Variants in GRID2 observed in about 807,000 individuals in gnomAD.
GRID2 encodes glutamate ionotropic receptor delta type subunit 2, also known as glutamate receptor ionotropic, delta-2.
GRID2 carries 33 observed loss-of-function variants against 114.8 expected under a neutral mutation model. The observed-to-expected ratio is 0.29, with a 90% confidence interval of 0.22 to 0.38. The LOEUF is 0.38. GRID2 is among the 10% of genes least tolerant of loss of function. The pLI is 1.00. For synonymous variants in GRID2, 505 were observed against 449.9 expected (o/e 1.12, Z -1.55); for missense variants, 1,184 against 1,257.7 (o/e 0.94, Z 0.89).
At chr4:92,451,014 T>G (rs1047534627) in intron 1 of GRID2, among the ~76,000 whole-genome samples, 9 of 151,938 alleles carry the variant, frequency 5.9e-5, no homozygotes, top group Non-Finnish European at 8.8e-5. Context: ...CATAAAGAAA[T>G]GTTATTTAAC....
At chr4:93,209,361 G>A (rs958709890) in intron 5 of GRID2, among the ~76,000 whole-genome samples, 1 of 152,040 alleles carries the variant, frequency 6.6e-6, no homozygotes, top group Admixed American at 6.6e-5. Context: ...TTGGTTTTCT[G>A]TTTCTGCGTT....
intron 14 of GRID2, among the ~76,000 whole-genome samples, chr4:93,754,378 A>G (rs1236280846): frequency 2.0e-5 from 3 of 152,218 alleles, no homozygotes; most frequent in Non-Finnish European, 4.4e-5. Context: ...TCTCATAGAA[A>G]GACCATAAGA....
intron 11 of GRID2, among the ~76,000 whole-genome samples, chr4:93,456,932 AC>A (rs567750324): frequency 5.5e-4 from 83 of 151,820 alleles, no homozygotes; most frequent in Non-Finnish European, 1.1e-3. Flanking sequence ...TTTTCCCTCC[AC>A]CCTTCCATAT....
At chr4:92,653,565 T>C (rs1472662671) in intron 2 of GRID2, among the ~76,000 whole-genome samples, 1 of 151,998 alleles carries the variant, frequency 6.6e-6, no homozygotes, top group East Asian at 1.9e-4. Flanking sequence ...TCTGTTATTA[T>C]TGTGTTAAAC....
chr4:92,718,761 CA>C (rs3077559), intron 2 of GRID2, among the ~76,000 whole-genome samples: 157 of 41,774 alleles, frequency 3.8e-3, no homozygotes, highest in African/African-American at 0.011. Flanking sequence ...AGACCCTGTC[CA>C]AAAAAAAAAA....
At chr4:93,670,590 A>G (rs546592834) in intron 14 of GRID2, among the ~76,000 whole-genome samples, 5 of 152,310 alleles carry the variant, frequency 3.3e-5, no homozygotes, top group Admixed American at 2.0e-4. Flanking sequence ...TAAATGGGCT[A>G]CACTGATACT....
In GRID2 at chr4:92,975,264, G is replaced by A. The variant is rs1035197591; in HGVS notation, c.245-109731G>A. ...GTAGAATAAAACATTTCTGTAAGAC[G>A]TGAAACTGATTTTATATTAATACTT... is the stretch of plus-strand genomic sequence containing the variant. On this transcript the variant is annotated intron_variant, in intron 2 of 15. Coordinates refer to ENST00000282020, the MANE Select transcript of GRID2 (RefSeq NM_001510.4). Among the ~76,000 whole-genome samples, 5 of 148,786 alleles carry A rather than the reference G, an allele frequency of 3.4e-5. 1 individual carries two copies. Among genetic ancestry groups the A allele is most frequent in the South Asian group, 2.1e-4 (1 of 4,682 alleles).
chr4:92,598,227 G>A (rs914202267), intron 2 of GRID2, among the ~76,000 whole-genome samples: 3 of 152,044 alleles, frequency 2.0e-5, no homozygotes, highest in Non-Finnish European at 4.4e-5. Context: ...AAATGAATCC[G>A]CCAGTACCTT....
chr4:92,497,530 G>A (rs976012216), intron 1 of GRID2, among the ~76,000 whole-genome samples: 1 of 151,762 alleles, frequency 6.6e-6, no homozygotes, highest in African/African-American at 2.4e-5. Flanking sequence ...TTATATCTTT[G>A]TATTCAGATT....
At chr4:93,171,135 G>T (rs997733303) in intron 4 of GRID2, among the ~76,000 whole-genome samples, 1 of 152,126 alleles carries the variant, frequency 6.6e-6, no homozygotes, top group Non-Finnish European at 1.5e-5. Context: ...GCTTTGCAAT[G>T]ATCTACATGG....
At chr4:93,382,351 C>G (rs537767804) in intron 8 of GRID2, among the ~76,000 whole-genome samples, 1 of 152,026 alleles carries the variant, frequency 6.6e-6, no homozygotes, top group Non-Finnish European at 1.5e-5. Context: ...TTCTTATGGA[C>G]TCCATAATGC....
At position 93,515,275 on chromosome 4, in the gene GRID2, C is replaced by A; in HGVS notation, c.2057C>A (p.Ala686Glu). 1.2e-6 allele frequency: 2 copies of A among 1,609,922 alleles called. No homozygotes were observed. The highest frequency in any genetic ancestry group is 1.7e-6 in the Non-Finnish European group (2 of 1,176,542). Residue 686 changes from alanine to glutamate, a missense_variant, in exon 13 of 16, where the codon GCG becomes GAG. Around this residue, in one of 3 missense-constraint regions of GRID2, gnomAD observed 717 missense variants for 796.9 expected, o/e 0.90. Coordinates refer to ENST00000282020, the MANE Select transcript of GRID2 (RefSeq NM_001510.4). ...EIPYGTVLDS[A>E]VYEHVRMKGL... ...CCTTATGGCACAGTCCTAGACTCTGCGGTATATGAGCATGTCCGCATGAAA... is the reference window on the plus strand; with the variant it reads ...CCTTATGGCACAGTCCTAGACTCTGAGGTATATGAGCATGTCCGCATGAAA...
chr4:92,504,779 C>T (rs768068246), intron 1 of GRID2, among the ~76,000 whole-genome samples: 1 of 151,744 alleles, frequency 6.6e-6, no homozygotes, highest in Admixed American at 6.6e-5. Context: ...AAAATCGTAC[C>T]TTTTCTATCT....
chr4:93,746,874 C>T (rs1446938686), intron 14 of GRID2, among the ~76,000 whole-genome samples: 1 of 151,968 alleles, frequency 6.6e-6, no homozygotes, highest in East Asian at 1.9e-4. Flanking sequence ...TGAAAATTCC[C>T]TAAGAAATTA....
intron 2 of GRID2, among the ~76,000 whole-genome samples, chr4:92,996,882 C>T (rs1755233571): frequency 6.6e-6 from 1 of 152,136 alleles, no homozygotes; most frequent in African/African-American, 2.4e-5. Context: ...CTGTCTCTCA[C>T]ACTCTTACCA....
intron 12 of GRID2, among the ~76,000 whole-genome samples, chr4:93,510,594 T>C (rs1162033167): frequency 1.3e-5 from 2 of 152,168 alleles, no homozygotes; most frequent in Non-Finnish European, 2.9e-5. Flanking sequence ...CCATTTAGTA[T>C]CATAGAGTCA....
rs1240201821 is a variant in GRID2, at chr4:93,260,294, G to GA, written c.1245+21810dup. Among the ~76,000 whole-genome samples the GA allele has an allele frequency of 1.1e-4, 16 of 150,732 alleles. No individual in the cohort carries two copies. The South Asian group carries it at 3.3e-3, about 31-fold the overall frequency. On this transcript the variant is annotated intron_variant, in intron 8 of 15. Transcript: ENST00000282020. ...TTGATTCTATATGTTATCTTTATAA[G>GA]AAAAAATAATAAAGTTTCTTAATGT... is the stretch of plus-strand genomic sequence containing the variant.
intron 2 of GRID2, among the ~76,000 whole-genome samples, chr4:92,767,145 C>A (rs1422844928): frequency 6.6e-6 from 1 of 152,202 alleles, no homozygotes; most frequent in Admixed American, 6.5e-5. Flanking sequence ...TCAGATACTT[C>A]CAGTGGGCTT....
chr4:93,637,232 A>G (rs1056949639), intron 14 of GRID2, among the ~76,000 whole-genome samples: 3 of 152,168 alleles, frequency 2.0e-5, no homozygotes, highest in Non-Finnish European at 4.4e-5. Context: ...AAAACTCACC[A>G]GGTGCCAAGT....
Sources: gnomAD v4.1 joint callset for allele counts (sites outside exome capture counted in the v4.1 genomes callset) on GRCh38, gnomAD v4.1.1 for gene constraint, gnomAD v4.1.1 regional missense constraint, MANE v1.5 for transcripts, NCBI Gene and HGNC (gene_info 2026-07-23, HGNC 2026-07-21) for gene names.